The following SOX6 variants were observed in gnomAD, a reference collection of about 807,000 sequenced individuals.
The protein encoded by SOX6 is SRY-box transcription factor 6.
SOX6 carries 11 observed loss-of-function variants against 97.8 expected under a neutral mutation model. That is an observed-to-expected ratio of 0.11 (90% confidence interval 0.07 to 0.19). The LOEUF (loss-of-function observed/expected upper bound fraction) is 0.19. Ranked by LOEUF, SOX6 falls within the 10% of genes least tolerant of loss-of-function variation. SOX6 has a pLI of 1.00. For synonymous variants in SOX6, 360 were observed against 371.4 expected (o/e 0.97, Z 0.35); for missense variants, 810 against 1,039.5 (o/e 0.78, Z 3.04).
At chr11:16,525,513 T>A (rs1430642942) in intron 4 of SOX6, among the ~76,000 whole-genome samples, 8 of 151,912 alleles carry the variant, frequency 5.3e-5, no homozygotes, top group Non-Finnish European at 1.2e-4. Flanking sequence ...ACGTTAGACA[T>A]AAAACCATAA....
chr11:16,364,997 C>T (rs1471748528), intron 1 of SOX6, among the ~76,000 whole-genome samples: 1 of 152,096 alleles, frequency 6.6e-6, no homozygotes, highest in Admixed American at 6.6e-5. Context: ...TTGCTTTCTG[C>T]AGTTTCTGTT....
chr11:16,376,458 A>C (rs1857644360), intron 1 of SOX6, among the ~76,000 whole-genome samples: 2 of 152,106 alleles, frequency 1.3e-5, no homozygotes, highest in Admixed American at 1.3e-4. Context: ...CTCAAGACAT[A>C]ATCCATGCAT....
intron 1 of SOX6, among the ~76,000 whole-genome samples, chr11:16,350,109 C>A (rs899421489): frequency 6.6e-6 from 1 of 152,208 alleles, no homozygotes. Context: ...ATAGGCTCTC[C>A]TGAGCTTGAA....
At chr11:16,104,090 A>G (rs1849015960) in intron 7 of SOX6, among the ~76,000 whole-genome samples, 1 of 151,994 alleles carries the variant, frequency 6.6e-6, no homozygotes, top group Non-Finnish European at 1.5e-5. Flanking sequence ...AACACAGTTA[A>G]GATTATAGAC....
chr11:16,732,039 G>A (rs1249855074), intron 2 of SOX6, among the ~76,000 whole-genome samples: 2 of 152,190 alleles, frequency 1.3e-5, no homozygotes, highest in East Asian at 3.8e-4. Context: ...GAATTGATGT[G>A]AAGGACCTCT....
intron 4 of SOX6, among the ~76,000 whole-genome samples, chr11:16,573,079 A>G (rs1236854752): frequency 6.6e-6 from 1 of 152,182 alleles, no homozygotes; most frequent in Non-Finnish European, 1.5e-5. Context: ...TGATGTCACA[A>G]TATAATAGCT....
chr11:16,559,443 C>A (rs1847784990), intron 4 of SOX6, among the ~76,000 whole-genome samples: 1 of 152,024 alleles, frequency 6.6e-6, no homozygotes, highest in Non-Finnish European at 1.5e-5. Flanking sequence ...ACAGACAAAT[C>A]TGAAACTGAA....
intron 2 of SOX6, among the ~76,000 whole-genome samples, chr11:16,320,544 T>C (rs1289559292): frequency 6.6e-6 from 1 of 152,138 alleles, no homozygotes. Context: ...GGCATAGTGC[T>C]GGGCTCATAA....
At chr11:16,527,203 A>G (rs1861180780) in intron 4 of SOX6, among the ~76,000 whole-genome samples, 1 of 152,064 alleles carries the variant, frequency 6.6e-6, no homozygotes, top group South Asian at 2.1e-4. Flanking sequence ...AATTAGTCAA[A>G]AGAAAAGGGT....
chr11:16,206,806 C>T (rs1852083596), intron 4 of SOX6, among the ~76,000 whole-genome samples: 1 of 152,122 alleles, frequency 6.6e-6, no homozygotes, highest in Non-Finnish European at 1.5e-5. Flanking sequence ...TACATAATCA[C>T]AGACACTTTC....
At chr11:16,006,852 G>A (rs1304809858) in intron 13 of SOX6, among the ~76,000 whole-genome samples, 1 of 152,020 alleles carries the variant, frequency 6.6e-6, no homozygotes, top group African/African-American at 2.4e-5. Context: ...GGTGTTATGA[G>A]ATAATCAGTA....
At position 15,973,034 on chromosome 11, in the gene SOX6, T is replaced by C; in HGVS notation, c.2262A>G (p.Pro754=). The C allele has an allele frequency of 1.9e-5, 30 of 1,614,178 alleles. No homozygotes were observed. The highest frequency in any genetic ancestry group is 2.2e-5 in the Non-Finnish European group (26 of 1,180,020). ...PGAITMATTT[P]SPQMTSDCSS... ...AGCAGTCAGATGTCATCTGAGGCGA[T>C]GGTGTGGTAGTTGCCATAGTGATAG... Residue 754 remains proline (P), a synonymous_variant, in exon 16 of 16, where the codon CCA becomes CCG. Transcript: ENST00000683767.
At chr11:16,502,904 T>C (rs1860729908) in intron 4 of SOX6, among the ~76,000 whole-genome samples, 1 of 152,102 alleles carries the variant, frequency 6.6e-6, no homozygotes, top group Non-Finnish European at 1.5e-5. Flanking sequence ...AAAGGTCTTC[T>C]CCACGGTACA....
At chr11:16,653,049 T>A (rs1475734474) in intron 3 of SOX6, among the ~76,000 whole-genome samples, 2 of 152,052 alleles carry the variant, frequency 1.3e-5, no homozygotes, top group Admixed American at 6.6e-5. Context: ...GAAATACAAA[T>A]TAAAACCTCA....
At chr11:16,512,739 A>T (rs1437347648) in intron 4 of SOX6, among the ~76,000 whole-genome samples, 1 of 152,232 alleles carries the variant, frequency 6.6e-6, no homozygotes, top group Non-Finnish European at 1.5e-5. Flanking sequence ...GAACCAAGAA[A>T]ATTTGACAAC....
chr11:16,286,168 T>C (rs574377857), intron 3 of SOX6, among the ~76,000 whole-genome samples: 2 of 152,268 alleles, frequency 1.3e-5, no homozygotes, highest in South Asian at 2.1e-4. Flanking sequence ...TAAGAGAATG[T>C]CTTTTACAGA....
At chr11:16,083,180 T>C (rs1848508609) in intron 9 of SOX6, among the ~76,000 whole-genome samples, 2 of 152,368 alleles carry the variant, frequency 1.3e-5, no homozygotes, top group African/African-American at 4.8e-5. Flanking sequence ...GGAACACATC[T>C]ATTTTAACAA....
At chr11:16,349,733 A>AAGG (rs1856881695) in intron 1 of SOX6, among the ~76,000 whole-genome samples, 1 of 144,068 alleles carries the variant, frequency 6.9e-6, no homozygotes, top group African/African-American at 2.6e-5. Flanking sequence ...GGAAGGAAGG[A>AAGG]AGGAAGGAAG....
intron 3 of SOX6, among the ~76,000 whole-genome samples, chr11:16,295,307 C>T (rs1855043123): frequency 6.6e-6 from 1 of 151,918 alleles, no homozygotes; most frequent in South Asian, 2.1e-4. Context: ...TTGACAAATA[C>T]CAGTACAAAG....
Sources: allele counts gnomAD v4.1 joint callset (sites outside exome capture counted in the v4.1 genomes callset), GRCh38; gene constraint gnomAD v4.1.1; transcripts MANE v1.5; gene names NCBI Gene and HGNC (gene_info 2026-07-23, HGNC 2026-07-21).